The following ADAM19 variants were observed in gnomAD, a reference collection of about 807,000 sequenced individuals.
ADAM19 encodes disintegrin and metalloproteinase domain-containing protein 19.
A neutral mutation model predicts 114.7 loss-of-function variants in ADAM19; 65 were observed. The ratio of observed to expected loss-of-function variants is 0.57; its 90% CI spans 0.46 to 0.70. The LOEUF is 0.70. Ranked by LOEUF, ADAM19 falls within the 30% of genes least tolerant of loss-of-function variation. The pLI is 0.00. For synonymous variants in ADAM19, 466 were observed against 460.5 expected, an observed-to-expected ratio of 1.01 and a Z score of -0.15; for missense variants, 1,063 against 1,204.7, an observed-to-expected ratio of 0.88 and a Z score of 1.74.
At chr5:157,524,833 T>C (rs1424787173) in intron 5 of ADAM19, among the ~76,000 whole-genome samples, 2 of 152,214 alleles carry the variant, frequency 1.3e-5, no homozygotes, top group Non-Finnish European at 2.9e-5. Flanking sequence ...ATAGGCAATA[T>C]TTACTAATAA....
intron 5 of ADAM19, among the ~76,000 whole-genome samples, chr5:157,528,520 A>G (rs1315470154): frequency 6.6e-6 from 1 of 152,186 alleles, no homozygotes; most frequent in African/African-American, 2.4e-5. Flanking sequence ...CTGCGAGGCC[A>G]GTTAGCTTGG....
chr5:157,512,873 T>C (rs1043147454), intron 8 of ADAM19, among the ~76,000 whole-genome samples: 8 of 152,200 alleles, frequency 5.3e-5, no homozygotes, highest in Non-Finnish European at 7.4e-5. Flanking sequence ...TTTAAGGCTG[T>C]GTGTCTTTCC....
chr5:157,555,418 C>G (rs773261113), intron 3 of ADAM19, among the ~76,000 whole-genome samples: 3 of 152,156 alleles, frequency 2.0e-5, no homozygotes, highest in Non-Finnish European at 4.4e-5. Context: ...GAACATGACC[C>G]GGAACTTGGG....
intron 6 of ADAM19, among the ~76,000 whole-genome samples, 170 bp from the exon 7 acceptor site, chr5:157,519,058 T>C (rs1382372140): frequency 6.6e-6 from 1 of 152,212 alleles, no homozygotes; most frequent in African/African-American, 2.4e-5. Context: ...ATATAACACC[T>C]TCCACTGCCA....
chr5:157,506,937 G>T, intron 10 of ADAM19, 119 bp downstream of exon 10: 3 of 862,866 alleles, frequency 3.5e-6, no homozygotes, highest in Non-Finnish European at 5.5e-6. Context: ...TGCCCTTCCT[G>T]ATGTCAAAGC....
chr5:157,533,372 T>A (rs768673837), intron 4 of ADAM19, among the ~76,000 whole-genome samples: 6 of 152,184 alleles, frequency 3.9e-5, no homozygotes, highest in Non-Finnish European at 8.8e-5. Flanking sequence ...AAAGAAGGCG[T>A]GGCAGGCAAA....
chr5:157,535,684 T>C (rs1323636263), intron 4 of ADAM19, among the ~76,000 whole-genome samples: 1 of 152,236 alleles, frequency 6.6e-6, no homozygotes, highest in Non-Finnish European at 1.5e-5. Flanking sequence ...CTCTGCCTAA[T>C]GCACAAGCAG....
In ADAM19 at chr5:157,497,054, G is replaced by C; in HGVS notation, c.1434C>G (p.Ala478=). 1 of 1,551,224 alleles carries C rather than the reference G, an allele frequency of 6.4e-7. No individual in the cohort carries two copies. Among genetic ancestry groups the C allele is most frequent in the Non-Finnish European group, 8.7e-7 (1 of 1,154,416 alleles). ...LAPGTLCREQ[A]RQCDLPEFCT... ...AGAACTCCGGGAGGTCACACTGCCTGGCCTGCTCGCGGCACAGGGTCCCAG... is the reference window on the plus strand; with the variant it reads ...AGAACTCCGGGAGGTCACACTGCCTCGCCTGCTCGCGGCACAGGGTCCCAG... The change falls in exon 14 of 23, where the codon GCC becomes GCG. Residue 478 remains alanine (A), a synonymous_variant. Coordinates refer to ENST00000257527, the MANE Select transcript of ADAM19 (RefSeq NM_033274.5).
At chr5:157,503,093 G>A (rs1328975697) in intron 11 of ADAM19, 113 bp from the exon 12 acceptor site, 6 of 866,450 alleles carry the variant, frequency 6.9e-6, no homozygotes, top group Non-Finnish European at 1.1e-5. Flanking sequence ...CCTGGGTTCA[G>A]ACCCCCATTG....
chr5:157,509,476 A>G lies in ADAM19; in HGVS notation c.739-9T>C, dbSNP rs1755847018. 2.5e-6 allele frequency: 4 copies of G among 1,573,362 alleles called. No homozygotes were observed. Among genetic ancestry groups the G allele is most frequent in the Non-Finnish European group, 3.5e-6 (4 of 1,155,216 alleles). ...TTCAAGGATCGGTAAAACTGAAAGG[A>G]CACAGAAAAACCACAGTATCTGTCA... is the stretch of plus-strand genomic sequence containing the variant. On this transcript the variant is annotated splice_polypyrimidine_tract_variant and intron_variant, in intron 8 of 22. Coordinates refer to ENST00000257527, the MANE Select transcript of ADAM19 (RefSeq NM_033274.5).
chr5:157,483,742 T>A (rs996291532), intron 21 of ADAM19, among the ~76,000 whole-genome samples: 7 of 151,834 alleles, frequency 4.6e-5, no homozygotes, highest in African/African-American at 1.7e-4. Context: ...CAAACGATTC[T>A]CTTGCCTCAG....
At chr5:157,499,708 A>T (rs765160254) in intron 12 of ADAM19, 46 bp from the exon 13 acceptor site, 1 of 1,292,442 alleles carries the variant, frequency 7.7e-7, no homozygotes, top group South Asian at 1.3e-5. Flanking sequence ...GGCCTTCACC[A>T]CCCCCAACAT....
chr5:157,572,367 T>C (rs1467723851), intron 1 of ADAM19: 2 of 422,864 alleles, frequency 4.7e-6, no homozygotes, highest in Non-Finnish European at 9.6e-6. Flanking sequence ...GGCGGCAGAC[T>C]ATCTTAACAA....
chr5:157,528,339 C>T (rs544246057), intron 5 of ADAM19, among the ~76,000 whole-genome samples: 149 of 152,332 alleles, frequency 9.8e-4, no homozygotes, highest in Non-Finnish European at 1.7e-3. Context: ...AGCACTGCTG[C>T]TGGAATGATT....
intron 8 of ADAM19, among the ~76,000 whole-genome samples, chr5:157,512,045 A>G (rs1581316030): frequency 1.3e-5 from 2 of 152,218 alleles, no homozygotes; most frequent in African/African-American, 4.8e-5. Context: ...AGCCTCCCAT[A>G]TTCTCCCCAG....
At chr5:157,552,926 A>G (rs1225931319) in intron 3 of ADAM19, among the ~76,000 whole-genome samples, 1 of 152,168 alleles carries the variant, frequency 6.6e-6, no homozygotes, top group Non-Finnish European at 1.5e-5. Context: ...AGTGAAATAA[A>G]CCAGGTACAG....
intron 3 of ADAM19, among the ~76,000 whole-genome samples, chr5:157,543,532 G>A (rs1581342889): frequency 6.6e-6 from 1 of 152,142 alleles, no homozygotes; most frequent in Admixed American, 6.5e-5. Flanking sequence ...AAGATCATAT[G>A]AACAAATGTG....
At chr5:157,508,042 T>C (rs955190015) in intron 9 of ADAM19, among the ~76,000 whole-genome samples, 1 of 152,236 alleles carries the variant, frequency 6.6e-6, no homozygotes, top group Non-Finnish European at 1.5e-5. Flanking sequence ...ACAATAAATG[T>C]TTGCTGAATT....
At chr5:157,490,278 G>T in intron 19 of ADAM19, 32 bp downstream of exon 19, 1 of 1,611,364 alleles carries the variant, frequency 6.2e-7, no homozygotes, top group South Asian at 1.1e-5. Context: ...CCCATAAATT[G>T]ACCCTGAGTC....
Sources: gnomAD v4.1 joint callset for allele counts (sites outside exome capture counted in the v4.1 genomes callset) on GRCh38, gnomAD v4.1.1 for gene constraint, MANE v1.5 for transcripts, NCBI Gene and HGNC (gene_info 2026-07-23, HGNC 2026-07-21) for gene names.